IFNK: variants seen among roughly 807,000 people sequenced by gnomAD.
IFNK encodes the protein interferon kappa, also known as IFN-kappa.
Under a neutral mutation model 12.0 loss-of-function variants are expected in IFNK, and 13 were observed. That is an observed-to-expected ratio of 1.08 (90% CI 0.70 to 1.72). IFNK has a LOEUF of 1.72. Among genes scored for constraint, IFNK ranks in the 40% most tolerant of loss-of-function variants. The pLI is 0.00. For missense variants in IFNK, 248 were observed against 237.0 expected (o/e 1.05, Z -0.30); for synonymous variants, 94 against 82.3 (o/e 1.14, Z -0.77).
rs754378611 is a variant in IFNK, at chr9:27,524,513, T to C, written c.177T>C (p.Cys59=). 1 of 1,614,134 alleles carries C rather than the reference T, an allele frequency of 6.2e-7. No homozygotes were observed. Among genetic ancestry groups the C allele is most frequent in the South Asian group, 1.1e-5 (1 of 91,084 alleles). ...SSMSNSFPVE[C]LRENIAFELP... ...TGAGCAATTCATTTCCTGTAGAATG[T>C]CTACGAGAAAACATAGCTTTTGAGT... The change falls in exon 1 of 2, where the codon TGT becomes TGC. Residue 59 remains cysteine (C), a synonymous_variant. Transcript: ENST00000276943.
At position 27,524,924 on chromosome 9, in the gene IFNK, C is replaced by T; in HGVS notation, c.588C>T (p.Tyr196=). The change falls in exon 1 of 2, where the codon TAC becomes TAT. Residue 196 remains tyrosine (Y), a synonymous_variant. Coordinates refer to ENST00000276943, the MANE Select transcript of IFNK (RefSeq NM_020124.3). The part of the protein sequence containing the change: ...VRVEIRRCLY[Y]FYKFTALFRR... ...TGGAAATCAGAAGATGTTTGTATTACTTTTACAAATTTACAGCTCTATTCA... is the reference window on the plus strand; with the variant it reads ...TGGAAATCAGAAGATGTTTGTATTATTTTTACAAATTTACAGCTCTATTCA... 1 of 1,606,328 alleles carries T rather than the reference C, an allele frequency of 6.2e-7. No homozygotes were observed. The highest frequency in any genetic ancestry group is 8.5e-7 in the Non-Finnish European group (1 of 1,177,744).
rs1489593929 is a variant in IFNK, at chr9:27,526,100, C to A, written c.*95C>A. On this transcript the variant is annotated 3_prime_UTR_variant, in exon 2 of 2. Coordinates refer to ENST00000276943, the MANE Select transcript of IFNK (RefSeq NM_020124.3). ...TATATCTGAAATGTACCTGGTTCTG[C>A]CCTTGGAAGCCATTTCCTGCTCATG... is the stretch of plus-strand genomic sequence containing the variant. 2 of 152,198 alleles carry A rather than the reference C, an allele frequency of 1.3e-5. No individual in the cohort carries two copies. The highest frequency in any genetic ancestry group is 4.8e-5 in the African/African-American group (2 of 41,444). 9.4% of individuals were successfully genotyped at this position (152,198 alleles called of 1,614,324 possible).
rs940984004 is a variant in IFNK, at chr9:27,524,662, G to C, written c.326G>C (p.Arg109Thr). Residue 109 changes from arginine to threonine, a missense_variant, in exon 1 of 2, where the codon AGA (arginine) becomes ACA (threonine). Coordinates refer to ENST00000276943, the MANE Select transcript of IFNK (RefSeq NM_020124.3). ...CACACCTTCAAATATTGGAAAGAGA[G>C]ACACCTCAAACAAATCCAAATAGGA... is the stretch of plus-strand genomic sequence containing the variant. ...SQHTFKYWKE[R>T]HLKQIQIGLD... The C allele has an allele frequency of 2.5e-6, 4 of 1,614,032 alleles. No homozygotes were observed. The highest frequency in any genetic ancestry group is 3.4e-6 in the Non-Finnish European group (4 of 1,179,984).
intron 1 of IFNK, among the ~76,000 whole-genome samples, chr9:27,525,258 A>G (rs986500793): frequency 2.6e-5 from 4 of 152,202 alleles, no homozygotes; most frequent in Non-Finnish European, 4.4e-5. Context: ...GAGCTTTGCT[A>G]TATATACCAC....
intron 1 of IFNK, among the ~76,000 whole-genome samples, chr9:27,525,804 A>G (rs143232513): frequency 5.3e-4 from 81 of 152,366 alleles, no homozygotes; most frequent in South Asian, 2.9e-3. Context: ...TCCTAGTTAG[A>G]AGACTACATT....
chr9:27,525,558 T>G (rs1431572343), intron 1 of IFNK, among the ~76,000 whole-genome samples: 1 of 152,174 alleles, frequency 6.6e-6, no homozygotes, highest in East Asian at 1.9e-4. Context: ...AGATCCATAG[T>G]GAAATTGGAT....
chr9:27,525,687 GA>G, intron 1 of IFNK, among the ~76,000 whole-genome samples: 1 of 151,276 alleles, frequency 6.6e-6, no homozygotes, highest in East Asian at 2.0e-4. Flanking sequence ...TAAAGGCATG[GA>G]AAATGCTGTG....
chr9:27,524,719 G>T lies in IFNK; in HGVS notation c.383G>T (p.Cys128Phe). Residue 128 changes from cysteine (C) to phenylalanine (F), a missense_variant, in exon 1 of 2, where the codon TGC becomes TTC. Cys to Phe is a radical substitution (Grantham distance 205). Coordinates refer to ENST00000276943, the MANE Select transcript of IFNK (RefSeq NM_020124.3). ...CAGCAAGCAGAGTACCTGAACCAAT[G>T]CTTGGAGGAAGACAAGAATGAAAAT... is the stretch of plus-strand genomic sequence containing the variant. Reference protein sequence around the residue: ...LDQQAEYLNQCLEEDKNENED... With the variant: ...LDQQAEYLNQFLEEDKNENED... 6.2e-7 allele frequency: 1 copy of T among 1,614,042 alleles called. No individual in the cohort carries two copies. Among genetic ancestry groups the T allele is most frequent in the African/African-American group, 1.3e-5 (1 of 75,010 alleles).
Position 27,524,297 on chromosome 9 carries a change from T to C in IFNK, c.-40T>C, listed in dbSNP as rs1587279117. On this transcript the variant is annotated 5_prime_UTR_variant, in exon 1 of 2. Coordinates refer to ENST00000276943, the MANE Select transcript of IFNK (RefSeq NM_020124.3). ...TGAAGGAAAACTCAAAACATCATTGTCATATACACATCTTCTGGATTTTTT... is the reference window on the plus strand; with the variant it reads ...TGAAGGAAAACTCAAAACATCATTGCCATATACACATCTTCTGGATTTTTT... The C allele has an allele frequency of 1.9e-6, 3 of 1,585,228 alleles. No individual in the cohort carries two copies. Among genetic ancestry groups the C allele is most frequent in the Non-Finnish European group, 2.6e-6 (3 of 1,166,228 alleles).
Position 27,524,803 on chromosome 9 carries a change from A to C in IFNK, c.467A>C (p.Gln156Pro). Reference sequence around the variant, plus strand: ...AAACCCTCAGAAGCCAGGGTCCCCCAGCTGAGCAGCCTGGAACTGAGGAGA... The same window carrying C: ...AAACCCTCAGAAGCCAGGGTCCCCCCGCTGAGCAGCCTGGAACTGAGGAGA... ...EMKPSEARVP[Q>P]LSSLELRRYF... Residue 156 changes from glutamine to proline, a missense_variant, in exon 1 of 2, where the codon CAG (glutamine) becomes CCG (proline). Gln to Pro is a moderately conservative substitution (Grantham distance 76). Transcript: ENST00000276943. 1 of 1,614,134 alleles carries C rather than the reference A, an allele frequency of 6.2e-7. No individual in the cohort carries two copies. The highest frequency in any genetic ancestry group is 8.5e-7 in the Non-Finnish European group (1 of 1,179,998).
chr9:27,524,946 T>A lies in IFNK; in HGVS notation c.610T>A (p.Phe204Ile), dbSNP rs1820408619. 6.3e-7 allele frequency: 1 copy of A among 1,587,842 alleles called. No individual in the cohort carries two copies. The highest frequency in any genetic ancestry group is 8.5e-7 in the Non-Finnish European group (1 of 1,170,924). The change falls in exon 1 of 2, where the codon TTC becomes ATC. Residue 204 changes from phenylalanine (F) to isoleucine (I), a missense_variant. Transcript: ENST00000276943. ...TTACTTTTACAAATTTACAGCTCTA[T>A]TCAGGAGGAAATAAGGTATATTTTT... is the stretch of plus-strand genomic sequence containing the variant. ...LYYFYKFTAL[F>I]RRK
At position 27,524,651 on chromosome 9, in the gene IFNK, T is replaced by G. The variant is rs746556552; in HGVS notation, c.315T>G (p.Tyr105Ter). The G allele has an allele frequency of 3.1e-6, 5 of 1,613,956 alleles. No individual in the cohort carries two copies. Among genetic ancestry groups the G allele is most frequent in the Non-Finnish European group, 4.2e-6 (5 of 1,179,970 alleles). Residue 105 changes from tyrosine to a stop codon, truncating the protein, a stop_gained, in exon 1 of 2, where the codon TAT becomes TAG. Coordinates refer to ENST00000276943, the MANE Select transcript of IFNK (RefSeq NM_020124.3). LOFTEE classifies it high-confidence loss of function. ...TCTTCAGCCAACACACCTTCAAATA[T>G]TGGAAAGAGAGACACCTCAAACAAA... ...FNIFSQHTFK[Y>*]WKERHLKQIQ...
rs993976972 is a variant in IFNK at position 27,524,449 on chromosome 9, G to A, written c.113G>A (p.Arg38Lys). 6.2e-7 allele frequency: 1 copy of A among 1,614,064 alleles called. No homozygotes were observed. The highest frequency in any genetic ancestry group is 8.5e-7 in the Non-Finnish European group (1 of 1,179,996). The part of the protein sequence containing the change: ...LDCNLLNVHL[R>K]RVTWQNLRHL... ...TGTAACTTACTGAACGTTCACCTGA[G>A]AAGAGTCACCTGGCAAAATCTGAGA... Residue 38 changes from arginine (R) to lysine (K), a missense_variant, in exon 1 of 2, where the codon AGA (arginine) becomes AAA (lysine). Arg to Lys is a conservative substitution (Grantham distance 26). Coordinates refer to ENST00000276943, the MANE Select transcript of IFNK (RefSeq NM_020124.3).
chr9:27,524,492 CA>C lies in IFNK; in HGVS notation c.158del (p.Asn53IlefsTer5), dbSNP rs1444789713. On this transcript the variant is annotated frameshift_variant, in exon 1 of 2. Coordinates refer to ENST00000276943, the MANE Select transcript of IFNK (RefSeq NM_020124.3). LOFTEE classifies it high-confidence loss of function. ...ATCTGAGACATCTGAGTAGTATGAG[CA>C]ATTCATTTCCTGTAGAATGTCTACG... Reference protein sequence around the residue: ...QNLRHLSSMSNSFPVECLREN... With the variant: ...QNLRHLSSMSXSFPVECLREN... The C allele has an allele frequency of 1.2e-6, 2 of 1,613,942 alleles. No homozygotes were observed. The highest frequency in any genetic ancestry group is 1.7e-5 in the Admixed American group (1 of 59,982).
At chr9:27,525,948 C>G (rs926942443) in intron 1 of IFNK, 59 bp from the exon 2 acceptor site, 1 of 152,350 alleles carries the variant, frequency 6.6e-6, no homozygotes, top group South Asian at 2.1e-4. Context: ...TATATTAATT[C>G]ACCACCTAGC....
chr9:27,526,471 T>C lies in IFNK; in HGVS notation c.*466T>C, dbSNP rs960227327. On this transcript the variant is annotated 3_prime_UTR_variant, in exon 2 of 2. Coordinates refer to ENST00000276943, the MANE Select transcript of IFNK (RefSeq NM_020124.3). Reference sequence around the variant, plus strand: ...TGCTATTTTTCATGACTTTCTCTAATAAAGTCTTTGCCTGTTCTCTCTAAT... The same window carrying C: ...TGCTATTTTTCATGACTTTCTCTAACAAAGTCTTTGCCTGTTCTCTCTAAT... The C allele has an allele frequency of 6.6e-6, 1 of 152,244 alleles. No homozygotes were observed. Among genetic ancestry groups the C allele is most frequent in the African/African-American group, 2.4e-5 (1 of 41,474 alleles). The allele number at this position is 152,244 out of a possible 1,614,324, so 9.4% of individuals were successfully genotyped here.
Position 27,524,368 on chromosome 9 carries a change from GT to G in IFNK, c.35del (p.Leu12CysfsTer22). 1 of 1,613,568 alleles carries G rather than the reference GT, an allele frequency of 6.2e-7. No individual in the cohort carries two copies. Among genetic ancestry groups the G allele is most frequent in the Non-Finnish European group, 8.5e-7 (1 of 1,179,732 alleles). ...ACCAAACCTGATATGATTCAAAAGTGTTTGTGGCTTGAGATCCTTATGGGTA... is the reference window on the plus strand; with the variant it reads ...ACCAAACCTGATATGATTCAAAAGTGTTGTGGCTTGAGATCCTTATGGGTA... MSTKPDMIQK[C>X]LWLEILMGIF... On this transcript the variant is annotated frameshift_variant, in exon 1 of 2. Transcript: ENST00000276943. LOFTEE classifies it high-confidence loss of function.
At position 27,524,700 on chromosome 9, in the gene IFNK, G is replaced by A. The variant is rs918307939; in HGVS notation, c.364G>A (p.Ala122Thr). 3.1e-6 allele frequency: 5 copies of A among 1,614,028 alleles called. No individual in the cohort carries two copies. Among genetic ancestry groups the A allele is most frequent in the East Asian group, 2.2e-5 (1 of 44,870 alleles). The change falls in exon 1 of 2, where the codon GCA becomes ACA. Residue 122 changes from alanine to threonine, a missense_variant. Physicochemically the swap from Ala to Thr is moderately conservative, Grantham distance 58. Coordinates refer to ENST00000276943, the MANE Select transcript of IFNK (RefSeq NM_020124.3). ...AATCCAAATAGGACTTGATCAGCAA[G>A]CAGAGTACCTGAACCAATGCTTGGA... Reference protein sequence around the residue: ...KQIQIGLDQQAEYLNQCLEED... With the variant: ...KQIQIGLDQQTEYLNQCLEED...
chr9:27,524,514 C>G lies in IFNK; in HGVS notation c.178C>G (p.Leu60Val). The stretch of plus-strand genomic sequence containing the variant: ...GAGCAATTCATTTCCTGTAGAATGT[C>G]TACGAGAAAACATAGCTTTTGAGTT... ...SMSNSFPVEC[L>V]RENIAFELPQ... The change falls in exon 1 of 2, where the codon CTA (leucine) becomes GTA (valine). Residue 60 changes from leucine to valine, a missense_variant. Transcript: ENST00000276943. 4 of 1,614,064 alleles carry G rather than the reference C, an allele frequency of 2.5e-6. No individual in the cohort carries two copies. Among genetic ancestry groups the G allele is most frequent in the Non-Finnish European group, 3.4e-6 (4 of 1,179,964 alleles).
Sources: allele counts gnomAD v4.1 joint callset (sites outside exome capture counted in the v4.1 genomes callset), GRCh38; gene constraint gnomAD v4.1.1; transcripts MANE v1.5; gene names NCBI Gene and HGNC (gene_info 2026-07-23, HGNC 2026-07-21).